The following MOB3B variants were observed in gnomAD, a reference collection of about 807,000 sequenced individuals.
The protein encoded by MOB3B is MOB kinase activator-like 2B.
In MOB3B, 7 loss-of-function variants were observed where a neutral mutation model predicts 18.7. That is an observed-to-expected ratio of 0.37 (90% CI 0.21 to 0.70). MOB3B has a LOEUF of 0.70. Ranked by LOEUF, MOB3B falls within the 30% of genes least tolerant of loss-of-function variation. MOB3B has a pLI of 0.52. For missense variants in MOB3B, 253 were observed against 281.3 expected (o/e 0.90, Z 0.72); for synonymous variants, 111 against 99.9 (o/e 1.11, Z -0.66).
chr9:27,436,789 G>A (rs1822508189), intron 2 of MOB3B, among the ~76,000 whole-genome samples: 2 of 152,050 alleles, frequency 1.3e-5, no homozygotes, highest in African/African-American at 2.4e-5. Flanking sequence ...AATTAGGCGG[G>A]TTATCTAATA....
At chr9:27,515,703 G>C (rs1820221393) in intron 1 of MOB3B, among the ~76,000 whole-genome samples, 1 of 152,124 alleles carries the variant, frequency 6.6e-6, no homozygotes, top group Non-Finnish European at 1.5e-5. Flanking sequence ...CTCTAACAAA[G>C]ACCTACAGTT....
intron 2 of MOB3B, among the ~76,000 whole-genome samples, chr9:27,449,586 A>G (rs1822749779): frequency 6.6e-6 from 1 of 152,222 alleles, no homozygotes; most frequent in South Asian, 2.1e-4. Context: ...TAATTCCAAC[A>G]TACTGTAAAT....
Position 27,427,320 on chromosome 9 carries a change from A to G in MOB3B, c.418+27813T>C, listed in dbSNP as rs1822348969. On this transcript the variant is annotated intron_variant, in intron 2 of 3. Coordinates refer to ENST00000262244, the MANE Select transcript of MOB3B (RefSeq NM_024761.5). ...AAGCATTCCCAAAGAGCATCTGGTTACCTCCAAGGGAAAAAGAAATGCAAG... is the reference window on the plus strand; with the variant it reads ...AAGCATTCCCAAAGAGCATCTGGTTGCCTCCAAGGGAAAAAGAAATGCAAG... Among the ~76,000 whole-genome samples the G allele has an allele frequency of 2.0e-5, 3 of 152,232 alleles. No homozygotes were observed. In the South Asian group the frequency reaches 6.2e-4, roughly 32 times the overall value.
At chr9:27,470,961 G>A (rs963076161) in intron 1 of MOB3B, among the ~76,000 whole-genome samples, 2 of 151,948 alleles carry the variant, frequency 1.3e-5, no homozygotes, top group Admixed American at 1.3e-4. Flanking sequence ...GGCGGCTCTG[G>A]TAGAAGGTGG....
chr9:27,528,785 G>C (rs978010968), intron 1 of MOB3B, among the ~76,000 whole-genome samples: 5 of 152,180 alleles, frequency 3.3e-5, no homozygotes, highest in African/African-American at 9.6e-5. Flanking sequence ...CGCGAGGGGG[G>C]GGATCCCGAG....
intron 1 of MOB3B, among the ~76,000 whole-genome samples, chr9:27,458,260 G>T (rs771805011): frequency 6.6e-6 from 1 of 152,014 alleles, no homozygotes; most frequent in Non-Finnish European, 1.5e-5. Context: ...CCTCAGCCAG[G>T]AGTGTCTGCT....
intron 3 of MOB3B, among the ~76,000 whole-genome samples, chr9:27,345,075 A>G (rs1821012398): frequency 2.0e-5 from 3 of 152,214 alleles, no homozygotes. Flanking sequence ...TCCAGTATGC[A>G]GCAGCATGGG....
chr9:27,391,187 G>T (rs1821722864), intron 2 of MOB3B, among the ~76,000 whole-genome samples: 2 of 152,218 alleles, frequency 1.3e-5, no homozygotes, highest in Non-Finnish European at 2.9e-5. Flanking sequence ...GAGAGCTTTG[G>T]TTAAATGTAC....
chr9:27,444,403 G>C (rs1315796510), intron 2 of MOB3B, among the ~76,000 whole-genome samples: 1 of 152,052 alleles, frequency 6.6e-6, no homozygotes, highest in Non-Finnish European at 1.5e-5. Context: ...ATGGAGCTCG[G>C]GTATTAGAAG....
At chr9:27,528,459 C>A (rs938627645) in intron 1 of MOB3B, among the ~76,000 whole-genome samples, 5 of 152,234 alleles carry the variant, frequency 3.3e-5, no homozygotes, top group African/African-American at 7.2e-5. Flanking sequence ...CTGAGAAATG[C>A]GCCCTGGGCC....
intron 2 of MOB3B, among the ~76,000 whole-genome samples, chr9:27,361,084 A>G (rs1475750514): frequency 6.6e-6 from 1 of 152,188 alleles, no homozygotes; most frequent in African/African-American, 2.4e-5. Context: ...TTTCCTTCAC[A>G]TGGGGAGTCC....
intron 2 of MOB3B, among the ~76,000 whole-genome samples, chr9:27,391,546 A>G (rs1265596920): frequency 6.6e-6 from 1 of 152,248 alleles, no homozygotes; most frequent in Non-Finnish European, 1.5e-5. Context: ...ATAGACATCA[A>G]TTATTAAACT....
chr9:27,325,219 A>G lies in MOB3B; in HGVS notation c.*5368T>C, dbSNP rs1820694045. The G allele has an allele frequency of 6.6e-6, 1 of 152,222 alleles. No individual in the cohort carries two copies. Among genetic ancestry groups the G allele is most frequent in the Non-Finnish European group, 1.5e-5 (1 of 68,048 alleles). The allele number at this position is 152,222 out of a possible 1,614,324, so 9.4% of individuals were successfully genotyped here. A position where few individuals can be genotyped will look rare whatever the true frequency, so the allele number is the denominator to read the frequency against. ...AAAAGACAGACTAGATAATGGTTATATGCTTTTTATTTGTGACATTTGAAT... is the reference window on the plus strand; with the variant it reads ...AAAAGACAGACTAGATAATGGTTATGTGCTTTTTATTTGTGACATTTGAAT... On this transcript the variant is annotated 3_prime_UTR_variant, in exon 4 of 4. Coordinates refer to ENST00000262244, the MANE Select transcript of MOB3B (RefSeq NM_024761.5).
At chr9:27,367,326 C>T (rs1459880744) in intron 2 of MOB3B, among the ~76,000 whole-genome samples, 2 of 152,190 alleles carry the variant, frequency 1.3e-5, no homozygotes, top group Non-Finnish European at 2.9e-5. Context: ...TTCTACAGCT[C>T]CTTTCATCTC....
At chr9:27,418,311 A>G (rs934606513) in intron 2 of MOB3B, among the ~76,000 whole-genome samples, 13 of 152,058 alleles carry the variant, frequency 8.5e-5, no homozygotes, top group African/African-American at 3.1e-4. Flanking sequence ...AAGATAAAGA[A>G]GGTACCCTCC....
Position 27,329,509 on chromosome 9 carries a change from T to C in MOB3B, c.*1078A>G, listed in dbSNP as rs1045324894. The C allele has an allele frequency of 6.6e-6, 1 of 151,680 alleles. No individual in the cohort carries two copies. The highest frequency in any genetic ancestry group is 2.4e-5 in the African/African-American group (1 of 41,202). 9.4% of individuals were successfully genotyped at this position (151,680 alleles called of 1,614,324 possible). On this transcript the variant is annotated 3_prime_UTR_variant, in exon 4 of 4. Coordinates refer to ENST00000262244, the MANE Select transcript of MOB3B (RefSeq NM_024761.5). ...GCCGTAACATAACGTGGCAGAGGAGTGGGGAGCGTGGAGTGGGGAGAGAAT... is the reference window on the plus strand; with the variant it reads ...GCCGTAACATAACGTGGCAGAGGAGCGGGGAGCGTGGAGTGGGGAGAGAAT...
chr9:27,370,789 C>T lies in MOB3B; in HGVS notation c.419-11553G>A, dbSNP rs566134450. 1.1e-4 allele frequency among the ~76,000 whole-genome samples: 17 copies of T among 152,286 alleles called. No individual in the cohort carries two copies. In the Middle Eastern group the frequency reaches 0.01, roughly 91 times the overall value. On this transcript the variant is annotated intron_variant, in intron 2 of 3. Transcript: ENST00000262244. ...AATAACCATAGAAACCTGAGTTGTG[C>T]GGGAGTGGTGAAGAGCTTCCCCTGC... is the stretch of plus-strand genomic sequence containing the variant.
intron 2 of MOB3B, among the ~76,000 whole-genome samples, chr9:27,452,402 G>A (rs570576664): frequency 6.6e-6 from 1 of 152,310 alleles, no homozygotes; most frequent in Admixed American, 6.5e-5. Context: ...ACAGAGAAGT[G>A]AGTGATTACA....
chr9:27,454,837 G>C (rs4879510), intron 2 of MOB3B, among the ~76,000 whole-genome samples: 60,835 of 152,006 alleles, frequency 0.4, 12,732 homozygotes, highest in East Asian at 0.62. Flanking sequence ...ATCAAGATAA[G>C]TGAGTGAGTC....
Sources: gnomAD v4.1 joint callset for allele counts (sites outside exome capture counted in the v4.1 genomes callset) on GRCh38, gnomAD v4.1.1 for gene constraint, MANE v1.5 for transcripts, NCBI Gene and HGNC (gene_info 2026-07-23, HGNC 2026-07-21) for gene names.